EPHA6: variants seen among roughly 807,000 people sequenced by gnomAD.
The protein encoded by EPHA6 is ephrin type-A receptor 6.
In EPHA6, 50 loss-of-function variants were observed where a neutral mutation model predicts 112.0. The ratio of observed to expected loss-of-function variants is 0.45; its 90% confidence interval spans 0.36 to 0.56. The LOEUF is 0.56. EPHA6 is among the 20% of genes least tolerant of loss of function. The pLI, the probability that EPHA6 is intolerant of heterozygous loss-of-function variation, is 0.00. For missense variants in EPHA6, 1,280 were observed against 1,417.4 expected, an observed-to-expected ratio of 0.90 and a Z score of 1.56; for synonymous variants, 529 against 490.7, an observed-to-expected ratio of 1.08 and a Z score of -1.03.
chr3:97,443,714 A>G (rs2090222733), intron 6 of EPHA6, among the ~76,000 whole-genome samples: 1 of 152,202 alleles, frequency 6.6e-6, no homozygotes, highest in African/African-American at 2.4e-5. Flanking sequence ...ATGTGTATTT[A>G]AACATTTGGT....
chr3:97,462,874 T>A (rs2090934400), intron 7 of EPHA6, among the ~76,000 whole-genome samples: 1 of 152,114 alleles, frequency 6.6e-6, no homozygotes, highest in Non-Finnish European at 1.5e-5. Flanking sequence ...CAAAAAGACT[T>A]GGGGCTTTCT....
intron 5 of EPHA6, among the ~76,000 whole-genome samples, chr3:97,305,095 G>T (rs570040105): frequency 1.4e-4 from 22 of 152,080 alleles, no homozygotes; most frequent in African/African-American, 4.1e-4. Flanking sequence ...CTTCTCAAAA[G>T]AAGACATTTA....
At chr3:97,557,373 T>C (rs1448363244) in intron 11 of EPHA6, among the ~76,000 whole-genome samples, 1 of 152,000 alleles carries the variant, frequency 6.6e-6, no homozygotes, top group African/African-American at 2.4e-5. Context: ...TTATTTTATA[T>C]GTTCATTAGC....
intron 2 of EPHA6, among the ~76,000 whole-genome samples, chr3:96,954,842 G>C (rs994630879): frequency 1.5e-5 from 2 of 135,486 alleles, no homozygotes; most frequent in African/African-American, 5.7e-5. Flanking sequence ...GCCGGACTGC[G>C]GACTGCAGTG....
chr3:97,510,549 T>A (rs902953124), intron 10 of EPHA6, among the ~76,000 whole-genome samples: 2 of 152,162 alleles, frequency 1.3e-5, no homozygotes, highest in South Asian at 2.1e-4. Flanking sequence ...TGCCTCTTCC[T>A]TCCTCTGGAA....
At chr3:97,106,612 G>A (rs2047578335) in intron 3 of EPHA6, among the ~76,000 whole-genome samples, 1 of 151,954 alleles carries the variant, frequency 6.6e-6, no homozygotes, top group Non-Finnish European at 1.5e-5. Flanking sequence ...AATTCTTCCG[G>A]TACACCAAGG....
intron 15 of EPHA6, among the ~76,000 whole-genome samples, chr3:97,723,874 T>C (rs1251347163): frequency 6.6e-6 from 1 of 152,212 alleles, no homozygotes; most frequent in African/African-American, 2.4e-5. Flanking sequence ...TGACAGATCC[T>C]ATAACCAGGA....
chr3:97,536,012 G>A (rs778927356), intron 11 of EPHA6, among the ~76,000 whole-genome samples: 3 of 152,044 alleles, frequency 2.0e-5, no homozygotes, highest in Non-Finnish European at 4.4e-5. Context: ...GAACCTATTT[G>A]TTTGATATGC....
chr3:97,139,223 CTTGA>C (rs779940499), intron 3 of EPHA6, among the ~76,000 whole-genome samples: 7 of 152,130 alleles, frequency 4.6e-5, no homozygotes, highest in Non-Finnish European at 1.0e-4. Flanking sequence ...CAGAAATTCT[CTTGA>C]TTAACAAAGG....
chr3:97,532,595 T>A (rs1012687064), intron 11 of EPHA6, 52 bp downstream of exon 11: 14 of 1,487,632 alleles, frequency 9.4e-6, no homozygotes, highest in Admixed American at 7.1e-5. Flanking sequence ...TCTCAGTTTT[T>A]TTTTAAGAAA....
chr3:97,222,880 A>G (rs1406031259), intron 3 of EPHA6, among the ~76,000 whole-genome samples: 1 of 152,204 alleles, frequency 6.6e-6, no homozygotes, highest in East Asian at 1.9e-4. Context: ...TAATGCGGAA[A>G]AGGCCCAGGT....
At chr3:97,579,304 C>T (rs1350455966) in intron 11 of EPHA6, among the ~76,000 whole-genome samples, 1 of 151,274 alleles carries the variant, frequency 6.6e-6, no homozygotes, top group Non-Finnish European at 1.5e-5. Flanking sequence ...TTTATATTCC[C>T]AGCCTTATAC....
At chr3:97,163,605 T>C (rs1226907382) in intron 3 of EPHA6, among the ~76,000 whole-genome samples, 1 of 152,100 alleles carries the variant, frequency 6.6e-6, no homozygotes, top group East Asian at 1.9e-4. Context: ...GGGATAGTGG[T>C]GATGGGTCCT....
At chr3:96,967,215 A>G (rs2042153894) in intron 2 of EPHA6, among the ~76,000 whole-genome samples, 1 of 149,204 alleles carries the variant, frequency 6.7e-6, no homozygotes, top group Non-Finnish European at 1.5e-5. Flanking sequence ...CACTTTATGT[A>G]ACATAGGTTA....
chr3:97,407,347 AACACACACAC>A (rs34259097), intron 6 of EPHA6, among the ~76,000 whole-genome samples: 1 of 147,274 alleles, frequency 6.8e-6, no homozygotes, highest in African/African-American at 2.5e-5. Flanking sequence ...ACTGAAATTA[AACACACACAC>A]ACACACACAC....
chr3:97,694,054 A>T (rs111778346), intron 14 of EPHA6, among the ~76,000 whole-genome samples: 1 of 152,042 alleles, frequency 6.6e-6, no homozygotes, highest in Non-Finnish European at 1.5e-5. Flanking sequence ...TATTTTAGCT[A>T]TTTAAATCAC....
At chr3:97,325,209 G>A (rs9825320) in intron 5 of EPHA6, among the ~76,000 whole-genome samples, 33,457 of 151,978 alleles carry the variant, frequency 0.22, 8,634 homozygotes, top group African/African-American at 0.61. Flanking sequence ...TAGGGTTGCC[G>A]TAATCAAGCA....
chr3:97,379,973 A>G (rs1577166468), intron 5 of EPHA6, among the ~76,000 whole-genome samples: 1 of 152,122 alleles, frequency 6.6e-6, no homozygotes, highest in Non-Finnish European at 1.5e-5. Context: ...GTGGCAGACA[A>G]ATTTGCAAAG....
intron 3 of EPHA6, among the ~76,000 whole-genome samples, chr3:97,014,341 C>T (rs1019023808): frequency 3.2e-4 from 48 of 151,650 alleles, no homozygotes; most frequent in African/African-American, 1.1e-3. Flanking sequence ...TCCCTCCCTT[C>T]CTCCCTACCT....
Sources: gnomAD v4.1 joint callset for allele counts (sites outside exome capture counted in the v4.1 genomes callset) on GRCh38, gnomAD v4.1.1 for gene constraint, MANE v1.5 for transcripts, NCBI Gene and HGNC (gene_info 2026-07-23, HGNC 2026-07-21) for gene names.